CPAMD8: variants seen among roughly 807,000 people sequenced by gnomAD.
CPAMD8 encodes the protein C3 and PZP like alpha-2-macroglobulin domain containing 8, also known as C3 and PZP-like alpha-2-macroglobulin domain-containing protein 8.
In CPAMD8, 146 loss-of-function variants were observed where a neutral mutation model predicts 224.7. That is an observed-to-expected ratio of 0.65 (90% CI 0.57 to 0.75). CPAMD8 has a LOEUF of 0.75. Among genes scored for constraint, CPAMD8 ranks in the 30% least tolerant of loss-of-function variants. The pLI, the probability that CPAMD8 is intolerant of heterozygous loss-of-function variation, is 0.00. For synonymous variants in CPAMD8, 966 were observed against 1,044.6 expected (o/e 0.92, Z 1.45); for missense variants, 2,301 against 2,537.5 (o/e 0.91, Z 2.00).
chr19:16,977,596 C>G (rs1287535003), intron 14 of CPAMD8, 56 bp from the exon 15 acceptor site: 1 of 1,383,674 alleles, frequency 7.2e-7, no homozygotes, highest in Admixed American at 2.4e-5. Context: ...GACATGCAAC[C>G]TCAGCCATTC....
chr19:16,953,652 CAAAA>C (rs60937762), intron 19 of CPAMD8, among the ~76,000 whole-genome samples: 6 of 94,366 alleles, frequency 6.4e-5, no homozygotes, highest in African/African-American at 1.0e-4. Flanking sequence ...GACCTTGTCT[CAAAA>C]AAAAAAAAAA....
chr19:16,962,783 A>G (rs2054699755), intron 18 of CPAMD8, among the ~76,000 whole-genome samples: 1 of 151,036 alleles, frequency 6.6e-6, no homozygotes, highest in Non-Finnish European at 1.5e-5. Context: ...TGTTAAGAGC[A>G]GCCAGAGAGA....
At chr19:16,988,488 T>C (rs1195693651) in intron 13 of CPAMD8, among the ~76,000 whole-genome samples, 2 of 152,028 alleles carry the variant, frequency 1.3e-5, no homozygotes, top group Non-Finnish European at 2.9e-5. Flanking sequence ...TGGGCACCTG[T>C]AATCCCAGCT....
chr19:17,002,229 G>GC lies in CPAMD8; in HGVS notation c.758+36dup, dbSNP rs375810228. On this transcript the variant is annotated intron_variant, in intron 9 of 41. Coordinates refer to ENST00000443236, the MANE Select transcript of CPAMD8 (RefSeq NM_015692.5). ...GCGTGATGGTTGGGGAAGGGGAAGG[G>GC]CCCCCCCAGTGTGCCCCAGGGGTCC... 488 of 1,370,758 alleles carry GC rather than the reference G, an allele frequency of 3.6e-4. 1 individual carries two copies. In the African/African-American group the frequency reaches 5.3e-3, roughly 15 times the overall value. The allele number at this position is 1,370,758 out of a possible 1,614,324, so 84.9% of individuals were successfully genotyped here.
rs560294013 is a variant in CPAMD8, at chr19:16,993,355, G to C, written c.1266+61C>G. ...CTGATCAGGTGCCTGCACCCAGCCT[G>C]GGGGAGGCCCCAAGTCCATACCTGC... On this transcript the variant is annotated intron_variant, in intron 12 of 41. Transcript: ENST00000443236. 27 of 1,465,156 alleles carry C rather than the reference G, an allele frequency of 1.8e-5. No individual in the cohort carries two copies. The East Asian group carries it at 2.4e-4, about 13-fold the overall frequency. The allele number at this position is 1,465,156 out of a possible 1,614,324, so 90.8% of individuals were successfully genotyped here.
intron 1 of CPAMD8, among the ~76,000 whole-genome samples, chr19:17,025,231 A>G (rs1174799877): frequency 1.3e-5 from 2 of 152,080 alleles, no homozygotes; most frequent in Non-Finnish European, 2.9e-5. Context: ...GCTAACATGG[A>G]GAAACCCCAT....
intron 20 of CPAMD8, among the ~76,000 whole-genome samples, chr19:16,950,066 G>A (rs756995432): frequency 1.3e-5 from 2 of 151,744 alleles, no homozygotes; most frequent in Non-Finnish European, 1.5e-5. Flanking sequence ...GGGAGGCCAC[G>A]GCAGGCAGAT....
At chr19:16,998,080 T>A (rs2056193410) in intron 10 of CPAMD8, among the ~76,000 whole-genome samples, 1 of 152,214 alleles carries the variant, frequency 6.6e-6, no homozygotes, top group Non-Finnish European at 1.5e-5. Flanking sequence ...CCCAGGAGAA[T>A]GGCTGGGATT....
In CPAMD8 at chr19:16,943,624, T is replaced by C. The variant is rs540884679; in HGVS notation, c.2793+1925A>G. Among the ~76,000 whole-genome samples, 4 of 152,336 alleles carry C rather than the reference T, an allele frequency of 2.6e-5. No homozygotes were observed. The South Asian group carries it at 8.3e-4, about 32-fold the overall frequency. On this transcript the variant is annotated intron_variant, in intron 22 of 41. Transcript: ENST00000443236. ...CATTGCATTGAGGAATTGCATTTCA[T>C]TGACCCACATTCATTTCTCTAATTC...
At chr19:16,989,155 C>G (rs866210947) in intron 13 of CPAMD8, among the ~76,000 whole-genome samples, 5 of 152,126 alleles carry the variant, frequency 3.3e-5, no homozygotes, top group African/African-American at 1.2e-4. Flanking sequence ...AAATGAAGTG[C>G]AAAATAAACA....
In CPAMD8 at chr19:16,899,483, A is replaced by G; in HGVS notation, c.4840T>C (p.Phe1614Leu). ...ACCCCGGCTGGTGGTACCTCATCAAAGTAGAAGAGCACTCGGCGTCCAGCC... is the reference window on the plus strand; with the variant it reads ...ACCCCGGCTGGTGGTACCTCATCAAGGTAGAAGAGCACTCGGCGTCCAGCC... ...EVAGRRVLFY[F>L]DEIPSRCLTC... Residue 1614 changes from phenylalanine (F) to leucine (L), a missense_variant, in exon 37 of 42, where the codon TTT becomes CTT. By Grantham distance (22) the Phe-to-Leu change is conservative. Transcript: ENST00000443236. This position sits in a 1 kb window ranked among gnomAD's most constrained non-coding sequence, Gnocchi z 5.4. 2 of 1,528,688 alleles carry G rather than the reference A, an allele frequency of 1.3e-6. No individual in the cohort carries two copies. The highest frequency in any genetic ancestry group is 1.8e-6 in the Non-Finnish European group (2 of 1,102,678). The allele number at this position is 1,528,688 out of a possible 1,614,324, so 94.7% of individuals were successfully genotyped here.
chr19:16,941,026 G>T (rs2053871312), intron 22 of CPAMD8, among the ~76,000 whole-genome samples: 3 of 152,182 alleles, frequency 2.0e-5, no homozygotes, highest in African/African-American at 7.2e-5. Context: ...TGCCTCCCAG[G>T]TTCAAGCAAT....
At position 17,011,495 on chromosome 19, in the gene CPAMD8, A is replaced by C; in HGVS notation, c.455T>G (p.Val152Gly). ...GTTGACAGGCCTCAGATTTGGAGAGACGGTGAAGATGCTTATGAGCACTAG... is the reference window on the plus strand; with the variant it reads ...GTTGACAGGCCTCAGATTTGGAGAGCCGGTGAAGATGCTTATGAGCACTAG... ...QHRVLISIFT[V>G]SPNLRPVNEK... is the part of the protein sequence containing the mutation. The change falls in exon 5 of 42, where the codon GTC becomes GGC. Residue 152 changes from valine (V) to glycine (G), a missense_variant. Physicochemically the swap from Val to Gly is moderately radical, Grantham distance 109. This residue lies in a region of CPAMD8 where 283 missense variants were observed against 340.6 expected (regional missense o/e 0.83). Transcript: ENST00000443236. 1 of 1,614,118 alleles carries C rather than the reference A, an allele frequency of 6.2e-7. No homozygotes were observed. The highest frequency in any genetic ancestry group is 8.5e-7 in the Non-Finnish European group (1 of 1,180,030).
At chr19:17,009,974 C>A (rs1217696212) in intron 5 of CPAMD8, among the ~76,000 whole-genome samples, 2 of 152,040 alleles carry the variant, frequency 1.3e-5, no homozygotes, top group African/African-American at 4.8e-5. Flanking sequence ...GACCATCCTA[C>A]CAAGGGGCGT....
intron 25 of CPAMD8, 87 bp downstream of exon 25, chr19:16,927,922 C>A (rs1336679262): frequency 1.4e-5 from 14 of 1,010,540 alleles, no homozygotes; most frequent in Non-Finnish European, 1.9e-5. Context: ...AGGTCCCCAG[C>A]AAAGCCCAGC....
Position 16,977,644 on chromosome 19 carries a change from C to A in CPAMD8, c.1586-104G>T. The A allele has an allele frequency of 3.8e-6, 3 of 794,250 alleles. No individual in the cohort carries two copies. The South Asian group carries it at 5.8e-5, about 15-fold the overall frequency. The allele number at this position is 794,250 out of a possible 1,614,324, so 49.2% of individuals were successfully genotyped here. A position where few individuals can be genotyped will look rare whatever the true frequency, so the allele number is the denominator to read the frequency against. ...AATTTGCCCTGCGCTATGCTCCTGT[C>A]TACGCATTGAGACAGTCTGCATCTT... On this transcript the variant is annotated intron_variant, in intron 14 of 41. Coordinates refer to ENST00000443236, the MANE Select transcript of CPAMD8 (RefSeq NM_015692.5).
Position 16,914,487 on chromosome 19 carries a change from G to A in CPAMD8, c.3798C>T (p.His1266=), listed in dbSNP as rs748346659. 28 of 1,613,962 alleles carry A rather than the reference G, an allele frequency of 1.7e-5. No homozygotes were observed. Among genetic ancestry groups the A allele is most frequent in the East Asian group, 1.3e-4 (6 of 44,892 alleles). Residue 1266 remains histidine (H), a synonymous_variant, in exon 29 of 42, where the codon CAC becomes CAT. Coordinates refer to ENST00000443236, the MANE Select transcript of CPAMD8 (RefSeq NM_015692.5). The stretch of plus-strand genomic sequence containing the variant: ...CGTAGGCTGTCAGCGGGACAGTGCC[G>A]TGGATCCCACCCTGCAAGGGGACTC... ...VLNKDIQGGI[H]GTVPLTAYVV...
At chr19:16,904,176 A>ACCGCCCC in intron 32 of CPAMD8, 50 bp downstream of exon 32, 1 of 937,338 alleles carries the variant, frequency 1.1e-6, no homozygotes, top group Non-Finnish European at 1.7e-6. Context: ...GACTGCAGGG[A>ACCGCCCC]CCCCACCCAC....
intron 41 of CPAMD8, chr19:16,894,483 G>A (rs1226550212): frequency 1.8e-5 from 8 of 456,400 alleles, no homozygotes; most frequent in African/African-American, 4.0e-5. Context: ...CCAGGACTTC[G>A]GGATGGGACC....
Sources: allele counts gnomAD v4.1 joint callset (sites outside exome capture counted in the v4.1 genomes callset), GRCh38; gene constraint gnomAD v4.1.1; regional missense constraint gnomAD v4.1.1; non-coding constraint Gnocchi (gnomAD v3.1); transcripts MANE v1.5; gene names NCBI Gene and HGNC (gene_info 2026-07-23, HGNC 2026-07-21).